The following MAP4K4 variants were observed in gnomAD, a reference collection of about 807,000 sequenced individuals.
MAP4K4 encodes HPK/GCK-like kinase HGK.
A neutral mutation model predicts 189.6 loss-of-function variants in MAP4K4; 38 were observed. The observed-to-expected ratio is 0.20, with a 90% CI of 0.15 to 0.26. MAP4K4 has a LOEUF of 0.26. Among genes scored for constraint, MAP4K4 ranks in the 10% least tolerant of loss-of-function variants. The probability of loss-of-function intolerance (pLI) is 1.00; values close to 1 mark genes in which losing one functional copy is unlikely to be tolerated. For missense variants in MAP4K4, 1,054 were observed against 1,726.9 expected (o/e 0.61, Z 6.91); for synonymous variants, 610 against 624.3 (o/e 0.98, Z 0.34).
At chr2:101,837,115 T>G (rs2096780219) in intron 9 of MAP4K4, among the ~76,000 whole-genome samples, 1 of 151,022 alleles carries the variant, frequency 6.6e-6, no homozygotes, top group Non-Finnish European at 1.5e-5. Flanking sequence ...TTTTTTTTTT[T>G]GAAACAGTTC....
At chr2:101,865,671 T>C (rs2097789899) in intron 18 of MAP4K4, among the ~76,000 whole-genome samples, 1 of 152,218 alleles carries the variant, frequency 6.6e-6, no homozygotes, top group African/African-American at 2.4e-5. Context: ...ATTTTCATCA[T>C]AACAGAACGC....
intron 3 of MAP4K4, among the ~76,000 whole-genome samples, chr2:101,803,538 C>G (rs1373479864): frequency 6.6e-6 from 1 of 152,110 alleles, no homozygotes; most frequent in East Asian, 1.9e-4. Flanking sequence ...GAATTTAGTT[C>G]CAATAACTGC....
At chr2:101,732,822 C>T (rs559705344) in intron 2 of MAP4K4, among the ~76,000 whole-genome samples, 43 of 152,360 alleles carry the variant, frequency 2.8e-4, no homozygotes, top group African/African-American at 9.6e-4. Flanking sequence ...CTCTTGACCT[C>T]GTGATCCGCC....
chr2:101,891,485 G>T, exon 33 of MAP4K4: 1 of 431,574 alleles, frequency 2.3e-6, no homozygotes, highest in Non-Finnish European at 4.2e-6. Context: ...AGCTGGTGCT[G>T]TTCAGATTCT....
At chr2:101,813,008 A>T (rs2095524452) in intron 3 of MAP4K4, among the ~76,000 whole-genome samples, 1 of 152,152 alleles carries the variant, frequency 6.6e-6, no homozygotes, top group Non-Finnish European at 1.5e-5. Context: ...GGGTGCCTGT[A>T]GTCCCAGCTA....
chr2:101,798,528 G>A (rs2094037331), intron 3 of MAP4K4, among the ~76,000 whole-genome samples: 1 of 152,162 alleles, frequency 6.6e-6, no homozygotes, highest in Non-Finnish European at 1.5e-5. Context: ...GATGACGACA[G>A]TTGGAATTCA....
intron 3 of MAP4K4, among the ~76,000 whole-genome samples, chr2:101,803,906 G>C (rs1293127044): frequency 6.6e-6 from 1 of 152,186 alleles, no homozygotes; most frequent in East Asian, 1.9e-4. Context: ...AGAAAAGAGA[G>C]TTGACTTCTG....
At chr2:101,710,665 T>TA (rs2044931852) in intron 2 of MAP4K4, among the ~76,000 whole-genome samples, 1 of 152,174 alleles carries the variant, frequency 6.6e-6, no homozygotes, top group South Asian at 2.1e-4. Context: ...AGCAGGGGCC[T>TA]ATGGGAGTGT....
At chr2:101,813,059 G>A (rs548222361) in intron 3 of MAP4K4, among the ~76,000 whole-genome samples, 2 of 152,274 alleles carry the variant, frequency 1.3e-5, no homozygotes, top group Non-Finnish European at 2.9e-5. Flanking sequence ...AACCCAGGAG[G>A]CGGAGCTTGC....
At chr2:101,837,815 A>G (rs1279724187) in intron 9 of MAP4K4, among the ~76,000 whole-genome samples, 1 of 152,202 alleles carries the variant, frequency 6.6e-6, no homozygotes, top group Non-Finnish European at 1.5e-5. Flanking sequence ...ACAGTTCTGT[A>G]TTAACCACTG....
chr2:101,882,833 C>T, intron 28 of MAP4K4, 148 bp downstream of exon 28: 1 of 827,616 alleles, frequency 1.2e-6, no homozygotes, highest in Non-Finnish European at 1.9e-6. Context: ...CTTTCTGTTT[C>T]CAAGGCACAT....
At chr2:101,794,162 G>T (rs893911890) in intron 3 of MAP4K4, among the ~76,000 whole-genome samples, 2 of 152,180 alleles carry the variant, frequency 1.3e-5, no homozygotes, top group Non-Finnish European at 2.9e-5. Context: ...ATGGTATTAG[G>T]ATAGCAGATC....
At chr2:101,776,673 T>A (rs2150452409) in intron 2 of MAP4K4, among the ~76,000 whole-genome samples, 1 of 141,086 alleles carries the variant, frequency 7.1e-6, no homozygotes, top group East Asian at 2.1e-4. Context: ...AGAACCCTGC[T>A]ATTAGCACCT....
At chr2:101,799,176 C>G (rs754894008) in intron 3 of MAP4K4, among the ~76,000 whole-genome samples, 2 of 152,146 alleles carry the variant, frequency 1.3e-5, no homozygotes, top group Non-Finnish European at 2.9e-5. Context: ...TTCCCCAAGA[C>G]AGCAATACAT....
At chr2:101,849,768 A>G (rs2097221320) in intron 12 of MAP4K4, among the ~76,000 whole-genome samples, 1 of 151,950 alleles carries the variant, frequency 6.6e-6, no homozygotes, top group Non-Finnish European at 1.5e-5. Context: ...GATGGCTTAC[A>G]TCTGTAATCC....
intron 2 of MAP4K4, among the ~76,000 whole-genome samples, chr2:101,736,399 T>C (rs540862751): frequency 1.1e-4 from 16 of 152,316 alleles, no homozygotes; most frequent in African/African-American, 3.8e-4. Context: ...TCTGTATGCC[T>C]CTCTCTGCCT....
intron 2 of MAP4K4, among the ~76,000 whole-genome samples, chr2:101,775,613 A>G (rs2083677022): frequency 6.6e-6 from 1 of 152,020 alleles, no homozygotes; most frequent in African/African-American, 2.4e-5. Context: ...TGGGGGTGAG[A>G]ACTTAGAATC....
intron 2 of MAP4K4, among the ~76,000 whole-genome samples, chr2:101,713,988 T>G (rs6543089): frequency 0.75 from 114,382 of 152,054 alleles, 43,480 homozygotes; most frequent in African/African-American, 0.88. Flanking sequence ...TGGAACCTCA[T>G]ATGGCCTTAT....
intron 2 of MAP4K4, among the ~76,000 whole-genome samples, chr2:101,738,816 G>A (rs537245479): frequency 2.0e-5 from 3 of 152,120 alleles, no homozygotes; most frequent in Non-Finnish European, 4.4e-5. Flanking sequence ...CTGCCTGGCT[G>A]CCACCATATT....
Sources: allele counts gnomAD v4.1 joint callset (sites outside exome capture counted in the v4.1 genomes callset), GRCh38; gene constraint gnomAD v4.1.1; transcripts MANE v1.5; gene names NCBI Gene and HGNC (gene_info 2026-07-23, HGNC 2026-07-21).